The following CNTN1 variants were observed in gnomAD, a reference collection of about 807,000 sequenced individuals.
The protein encoded by CNTN1 is contactin 1.
CNTN1 carries 38 observed loss-of-function variants against 126.4 expected under a neutral mutation model. The ratio of observed to expected loss-of-function variants is 0.30; its 90% CI spans 0.23 to 0.39. CNTN1 has a LOEUF of 0.39. Among genes scored for constraint, CNTN1 ranks in the 10% least tolerant of loss-of-function variants. The pLI, the probability that CNTN1 is intolerant of heterozygous loss-of-function variation, is 1.00. For synonymous variants in CNTN1, 413 were observed against 422.6 expected (o/e 0.98, Z 0.28); for missense variants, 1,009 against 1,248.4 (o/e 0.81, Z 2.89).
At chr12:41,059,767 G>A (rs1217560200) in intron 23 of CNTN1, among the ~76,000 whole-genome samples, 1 of 152,082 alleles carries the variant, frequency 6.6e-6, no homozygotes, top group Non-Finnish European at 1.5e-5. Context: ...GCCTGAGCCT[G>A]TAATCCGAGT....
chr12:40,928,426 C>T (rs1251368538), intron 6 of CNTN1, among the ~76,000 whole-genome samples: 1 of 151,906 alleles, frequency 6.6e-6, no homozygotes, highest in East Asian at 1.9e-4. Flanking sequence ...TCCTGTGACC[C>T]TAAATCAGCA....
chr12:40,877,153 T>C (rs1201387810), intron 1 of CNTN1, among the ~76,000 whole-genome samples: 3 of 152,188 alleles, frequency 2.0e-5, no homozygotes, highest in Non-Finnish European at 4.4e-5. Context: ...TTTGCTATTA[T>C]AGCTAGACTA....
intron 15 of CNTN1, among the ~76,000 whole-genome samples, chr12:40,960,895 T>G (rs1422524143): frequency 6.6e-6 from 1 of 152,062 alleles, no homozygotes; most frequent in Non-Finnish European, 1.5e-5. Flanking sequence ...AGCATTAATA[T>G]TGCAATAGGA....
chr12:40,999,303 A>G (rs1484463843), intron 17 of CNTN1, among the ~76,000 whole-genome samples: 2 of 152,256 alleles, frequency 1.3e-5, no homozygotes, highest in East Asian at 3.8e-4. Flanking sequence ...CATGTTATTA[A>G]TAAATGATTA....
intron 23 of CNTN1, among the ~76,000 whole-genome samples, chr12:41,030,106 A>T (rs1199195725): frequency 6.6e-6 from 1 of 152,008 alleles, no homozygotes; most frequent in Non-Finnish European, 1.5e-5. Context: ...CTGTACAACA[A>T]ACCCCATGAC....
At position 40,781,037 on chromosome 12, in the gene CNTN1, C is replaced by T. The variant is rs150645347; in HGVS notation, c.-77+88445C>T. 9.9e-4 allele frequency among the ~76,000 whole-genome samples: 151 copies of T among 151,804 alleles called. 1 individual carries two copies. The East Asian group carries it at 0.023, about 23-fold the overall frequency. ...TTACCTCTGTTAGCAAGAGGTATCT[C>T]ATCTATAAGCAGCTAATAATGGGAA... On this transcript the variant is annotated intron_variant, in intron 1 of 23. Coordinates refer to ENST00000551295, the MANE Select transcript of CNTN1 (RefSeq NM_001843.4).
chr12:41,067,456 C>G (rs923150033), intron 23 of CNTN1, among the ~76,000 whole-genome samples: 1 of 151,966 alleles, frequency 6.6e-6, no homozygotes, highest in African/African-American at 2.4e-5. Context: ...TGTGGAGACC[C>G]TGCAGTCATC....
At chr12:40,822,786 C>A (rs2136531069) in intron 1 of CNTN1, among the ~76,000 whole-genome samples, 1 of 152,162 alleles carries the variant, frequency 6.6e-6, no homozygotes, top group Non-Finnish European at 1.5e-5. Context: ...GCTACATGGA[C>A]AGGTTTATTA....
At chr12:40,744,473 G>T (rs1272999318) in intron 1 of CNTN1, among the ~76,000 whole-genome samples, 4 of 151,966 alleles carry the variant, frequency 2.6e-5, no homozygotes, top group East Asian at 3.9e-4. Context: ...TTGCGCTGAG[G>T]TTTTCTAGCA....
At chr12:40,756,903 C>G (rs1044812231) in intron 1 of CNTN1, among the ~76,000 whole-genome samples, 1 of 152,044 alleles carries the variant, frequency 6.6e-6, no homozygotes, top group Non-Finnish European at 1.5e-5. Context: ...TTTTGCTAGT[C>G]TTTTTGTGTG....
At chr12:40,805,586 T>C (rs1940820498) in intron 1 of CNTN1, among the ~76,000 whole-genome samples, 1 of 152,182 alleles carries the variant, frequency 6.6e-6, no homozygotes, top group Non-Finnish European at 1.5e-5. Flanking sequence ...CACTGTGCCC[T>C]TTATATCTGT....
At chr12:40,701,343 C>G (rs1372954698) in intron 1 of CNTN1, among the ~76,000 whole-genome samples, 1 of 152,120 alleles carries the variant, frequency 6.6e-6, no homozygotes, top group Admixed American at 6.5e-5. Context: ...AATTTTGACA[C>G]AAGCACCAGA....
chr12:40,763,503 C>T (rs536220709), intron 1 of CNTN1, among the ~76,000 whole-genome samples: 22 of 151,978 alleles, frequency 1.4e-4, no homozygotes, highest in Admixed American at 7.9e-4. Flanking sequence ...TAAGAACAAA[C>T]GTTTTGCAGA....
At chr12:40,875,047 T>A (rs1943623203) in intron 1 of CNTN1, among the ~76,000 whole-genome samples, 1 of 152,156 alleles carries the variant, frequency 6.6e-6, no homozygotes, top group East Asian at 1.9e-4. Context: ...ACAAGAGTGC[T>A]CTAGGACTAG....
chr12:40,797,937 C>A (rs950237106), intron 1 of CNTN1, among the ~76,000 whole-genome samples: 1 of 151,908 alleles, frequency 6.6e-6, no homozygotes, highest in Non-Finnish European at 1.5e-5. Flanking sequence ...GTCAAGAGTT[C>A]AATTGTGATT....
Position 40,943,708 on chromosome 12 carries a change from A to T in CNTN1, c.1491A>T (p.Gly497=), listed in dbSNP as rs919561948. 5 of 1,612,750 alleles carry T rather than the reference A, an allele frequency of 3.1e-6. No homozygotes were observed. Among genetic ancestry groups the T allele is most frequent in the African/African-American group, 1.3e-5 (1 of 74,870 alleles). Residue 497 remains glycine, a synonymous_variant, in exon 13 of 24, where the codon GGA becomes GGT. Transcript: ENST00000551295. The part of the protein sequence containing the change: ...ENNRGKANST[G]TLVITDPTRI... ...ACAGAGGGAAAGCTAATAGCACTGG[A>T]ACCCTTGTTATCACAGGTAAGTTAA...
intron 23 of CNTN1, among the ~76,000 whole-genome samples, chr12:41,068,298 A>G (rs1950091536): frequency 6.6e-6 from 1 of 152,166 alleles, no homozygotes. Flanking sequence ...GAGCCAACAT[A>G]GTCTTGTAGC....
chr12:40,883,021 A>T (rs1943918669), intron 1 of CNTN1, among the ~76,000 whole-genome samples: 1 of 151,554 alleles, frequency 6.6e-6, no homozygotes, highest in African/African-American at 2.4e-5. Flanking sequence ...TTTATTCATC[A>T]CTGACTCTAT....
intron 1 of CNTN1, among the ~76,000 whole-genome samples, chr12:40,895,111 G>A (rs1036836012): frequency 2.0e-5 from 3 of 152,132 alleles, no homozygotes; most frequent in African/African-American, 7.2e-5. Flanking sequence ...TCAAATTGAT[G>A]ATCAGTTATA....
Sources: allele counts gnomAD v4.1 joint callset (sites outside exome capture counted in the v4.1 genomes callset), GRCh38; gene constraint gnomAD v4.1.1; transcripts MANE v1.5; gene names NCBI Gene and HGNC (gene_info 2026-07-23, HGNC 2026-07-21).